The following PCNX3 variants were observed in gnomAD, a reference collection of about 807,000 sequenced individuals.
The protein encoded by PCNX3 is pecanex-like protein 3.
PCNX3 carries 58 observed loss-of-function variants against 207.2 expected under a neutral mutation model. That is an observed-to-expected ratio of 0.28 (90% CI 0.23 to 0.35). The LOEUF (loss-of-function observed/expected upper bound fraction) is 0.35, where lower values mean the gene tolerates loss of function less well. PCNX3 is among the 10% of genes least tolerant of loss of function. The pLI, the probability that PCNX3 is intolerant of heterozygous loss-of-function variation, is 1.00. For missense variants in PCNX3, 2,410 were observed against 2,774.4 expected (o/e 0.87, Z 2.95); for synonymous variants, 1,337 against 1,183.5 (o/e 1.13, Z -2.66).
At chr11:65,617,895 G>A in intron 5 of PCNX3, 45 bp from the exon 6 acceptor site, 1 of 1,520,694 alleles carries the variant, frequency 6.6e-7, no homozygotes, top group East Asian at 2.3e-5. Context: ...AGTTTGTTTT[G>A]CAGAAAACCC....
At chr11:65,621,836 G>A (rs765296146) in intron 10 of PCNX3, among the ~76,000 whole-genome samples, 9 of 152,252 alleles carry the variant, frequency 5.9e-5, no homozygotes, top group Non-Finnish European at 5.9e-5. Flanking sequence ...CTGCATGCAC[G>A]CTCGGATGGG....
At chr11:65,634,723 A>G in intron 29 of PCNX3, 82 bp downstream of exon 29, 1 of 1,358,206 alleles carries the variant, frequency 7.4e-7, no homozygotes, top group Non-Finnish European at 1.0e-6. Context: ...CTCTGGCCAC[A>G]GTGGCCACAG....
rs990520955 is a variant in PCNX3, at chr11:65,618,521, G to T, written c.1159G>T (p.Ala387Ser). 2 of 1,611,314 alleles carry T rather than the reference G, an allele frequency of 1.2e-6. No individual in the cohort carries two copies. The highest frequency in any genetic ancestry group is 3.3e-5 in the Admixed American group (2 of 59,918). Residue 387 changes from alanine (A) to serine (S), a missense_variant, in exon 6 of 35, where the codon GCC becomes TCC. Physicochemically the swap from Ala to Ser is moderately conservative, Grantham distance 99 (BLOSUM62 1). This residue lies in a region of PCNX3 where 1,104 missense variants were observed against 970.3 expected (regional missense o/e 1.14). Coordinates refer to ENST00000355703, the MANE Select transcript of PCNX3 (RefSeq NM_032223.4). The part of the protein sequence containing the change: ...PLLVVRPKDL[A>S]LLRPSKRQPP... The stretch of plus-strand genomic sequence containing the variant: ...CCTGGTCGTGCGGCCCAAGGACTTG[G>T]CCCTGCTACGGCCTAGCAAACGGCA...
In PCNX3 at chr11:65,620,336, C is replaced by T; in HGVS notation, c.2009-3C>T. The T allele has an allele frequency of 6.2e-7, 1 of 1,612,536 alleles. No individual in the cohort carries two copies. On this transcript the variant is annotated splice_region_variant and splice_polypyrimidine_tract_variant and intron_variant, in intron 8 of 34. Coordinates refer to ENST00000355703, the MANE Select transcript of PCNX3 (RefSeq NM_032223.4). ...CTGCCTCATCTCCCATACCCTGCCCCAGGTGTGCGGCGTTCCTACACCTTT... is the reference window on the plus strand; with the variant it reads ...CTGCCTCATCTCCCATACCCTGCCCTAGGTGTGCGGCGTTCCTACACCTTT...
Position 65,616,212 on chromosome 11 carries a change from G to A in PCNX3, c.-100G>A, listed in dbSNP as rs1404751154. 2 of 1,008,394 alleles carry A rather than the reference G, an allele frequency of 2.0e-6. No homozygotes were observed. The highest frequency in any genetic ancestry group is 3.9e-5 in the Admixed American group (1 of 25,328). The allele number at this position is 1,008,394 out of a possible 1,614,324, so 62.5% of individuals were successfully genotyped here. ...GGGGGAGGCCATGGCGTGAGCGTGA[G>A]GCCGGGCCCCGGGGCCCTCAGGCGC... On this transcript the variant is annotated 5_prime_UTR_variant, in exon 1 of 35. Coordinates refer to ENST00000355703, the MANE Select transcript of PCNX3 (RefSeq NM_032223.4).
chr11:65,627,145 G>A (rs1852833512), intron 21 of PCNX3, 97 bp downstream of exon 21: 4 of 1,423,814 alleles, frequency 2.8e-6, no homozygotes, highest in South Asian at 3.0e-5. Context: ...CATGTCTAAG[G>A]TTGTTTAGCA....
At position 65,636,652 on chromosome 11, in the gene PCNX3, C is replaced by A. The variant is rs769414477; in HGVS notation, c.5855C>A (p.Ala1952Asp). The change falls in exon 34 of 35, where the codon GCC becomes GAC. Residue 1952 changes from alanine to aspartate, a missense_variant. Transcript: ENST00000355703. ...CTGGGAGGATCTGACGGGGAGCCAG[C>A]CTCAGGGAGCCCCAAAGGAGGTACC... is the stretch of plus-strand genomic sequence containing the variant. Reference protein sequence around the residue: ...KGLGGSDGEPASGSPKGGTPK... With the variant: ...KGLGGSDGEPDSGSPKGGTPK... 1.3e-6 allele frequency: 2 copies of A among 1,583,954 alleles called. No homozygotes were observed. The highest frequency in any genetic ancestry group is 3.7e-5 in the Admixed American group (2 of 53,696).
rs1237956393 is a variant in PCNX3 at position 65,617,926 on chromosome 11, C to T, written c.578-14C>T. Reference sequence around the variant, plus strand: ...AACCCTTTTTTCATTTTCTGTTTCCCTTTATTTTGGCAGTTGGAGACCTTC... The same window carrying T: ...AACCCTTTTTTCATTTTCTGTTTCCTTTTATTTTGGCAGTTGGAGACCTTC... On this transcript the variant is annotated splice_polypyrimidine_tract_variant and intron_variant, in intron 5 of 34. Transcript: ENST00000355703. The T allele has an allele frequency of 3.2e-6, 5 of 1,566,812 alleles. No individual in the cohort carries two copies. Among genetic ancestry groups the T allele is most frequent in the Non-Finnish European group, 4.3e-6 (5 of 1,158,728 alleles).
In PCNX3 at chr11:65,625,086, G is replaced by A. The variant is rs570231984; in HGVS notation, c.2919+70G>A. 1.6e-5 allele frequency: 25 copies of A among 1,561,520 alleles called. No homozygotes were observed. The African/African-American group carries it at 3.1e-4, about 19-fold the overall frequency. On this transcript the variant is annotated intron_variant, in intron 16 of 34. Coordinates refer to ENST00000355703, the MANE Select transcript of PCNX3 (RefSeq NM_032223.4). This position sits in a 1 kb window ranked among gnomAD's most constrained non-coding sequence, Gnocchi z 5.6. The stretch of plus-strand genomic sequence containing the variant: ...GTGGTTGGGGCGGGGCTGTGAACTG[G>A]GCTCAGCAGTGGCTTCTCACACGGG...
At chr11:65,628,756 CAG>C in intron 23 of PCNX3, 53 bp downstream of exon 23, 1 of 953,414 alleles carries the variant, frequency 1.0e-6, no homozygotes. Context: ...TGGCCTGGGG[CAG>C]TGGGGGGTGG....
In PCNX3 at chr11:65,625,800, A is replaced by G. The variant is rs1440025244; in HGVS notation, c.3228+56A>G. ...CGCTGTCTTGGCGGGAGCCTGCTCA[A>G]TCTGAGTGCCGTGGGCAGCCCCTCC... On this transcript the variant is annotated intron_variant, in intron 19 of 34. Coordinates refer to ENST00000355703, the MANE Select transcript of PCNX3 (RefSeq NM_032223.4). This position sits in a 1 kb window ranked among gnomAD's most constrained non-coding sequence, Gnocchi z 5.6. 3.8e-6 allele frequency: 6 copies of G among 1,597,256 alleles called. No homozygotes were observed. The highest frequency in any genetic ancestry group is 1.7e-5 in the Admixed American group (1 of 58,794).
In PCNX3 at chr11:65,634,612, G is replaced by A. The variant is rs1424102147; in HGVS notation, c.4776G>A (p.Leu1592=). The change falls in exon 29 of 35, where the codon CTG becomes CTA. Residue 1592 remains leucine (L), a synonymous_variant. Coordinates refer to ENST00000355703, the MANE Select transcript of PCNX3 (RefSeq NM_032223.4). ...TGTGTGTGCTGGGCCGCCGGGCCCT[G>A]GGGACAGCCTCTCACAGCATGTCTG... The part of the protein sequence containing the change: ...FGLCVLGRRA[L]GTASHSMSAS... The A allele has an allele frequency of 6.2e-7, 1 of 1,601,950 alleles. No homozygotes were observed. The highest frequency in any genetic ancestry group is 8.5e-7 in the Non-Finnish European group (1 of 1,178,536).
rs1434106117 is a variant in PCNX3, at chr11:65,619,879, G to A, written c.1955G>A (p.Cys652Tyr). 1 of 1,611,642 alleles carries A rather than the reference G, an allele frequency of 6.2e-7. No individual in the cohort carries two copies. Among genetic ancestry groups the A allele is most frequent in the Non-Finnish European group, 8.5e-7 (1 of 1,179,626 alleles). Residue 652 changes from cysteine to tyrosine, a missense_variant, in exon 8 of 35, where the codon TGC becomes TAC. Physicochemically the swap from Cys to Tyr is radical, Grantham distance 194. This residue lies in a region of PCNX3 where 1,104 missense variants were observed against 970.3 expected (regional missense o/e 1.14). Transcript: ENST00000355703. ...TRAGANVHEA[C>Y]TFDDTSEGAV... ...GCCGGTGCCAATGTGCATGAGGCCT[G>A]CACCTTTGATGACACTTCTGAGGGT...
intron 15 of PCNX3, 69 bp downstream of exon 15, chr11:65,624,650 C>T (rs1855285657): frequency 7.2e-7 from 1 of 1,393,834 alleles, no homozygotes; most frequent in East Asian, 2.5e-5. Context: ...CGGATTGGGT[C>T]CTTGGCTCCA....
In PCNX3 at chr11:65,618,723, C is replaced by T. The variant is rs774402786; in HGVS notation, c.1361C>T (p.Ser454Phe). 2 of 1,612,664 alleles carry T rather than the reference C, an allele frequency of 1.2e-6. 1 individual carries two copies. The highest frequency in any genetic ancestry group is 2.2e-5 in the South Asian group (2 of 91,064). ...AGCTCCTCTTCTACTTCCTGCTACT[C>T]CCCTGAGAGCTCCCGGGGTGCAGCA... Reference protein sequence around the residue: ...TDSSSSTSCYSPESSRGAAGG... With the variant: ...TDSSSSTSCYFPESSRGAAGG... Residue 454 changes from serine to phenylalanine, a missense_variant, in exon 6 of 35, where the codon TCC (serine) becomes TTC (phenylalanine). By Grantham distance (155) the Ser-to-Phe change is radical (BLOSUM62 -2). Around this residue, in one of 8 missense-constraint regions of PCNX3, gnomAD observed 1,104 missense variants for 970.3 expected, o/e 1.14. Coordinates refer to ENST00000355703, the MANE Select transcript of PCNX3 (RefSeq NM_032223.4).
At chr11:65,634,749 T>A in intron 29 of PCNX3, 108 bp downstream of exon 29, 1 of 1,227,902 alleles carries the variant, frequency 8.1e-7, no homozygotes. Flanking sequence ...GCAGTGGCCC[T>A]TCCTGTTGGG....
chr11:65,617,981 C>G lies in PCNX3; in HGVS notation c.619C>G (p.Pro207Ala), dbSNP rs746441563. ...GACGCCTCCAGGGGCTGTCCCAGAC[C>G]CCTCTCTTGCCAGTACAGACTCTTC... The part of the protein sequence containing the change: ...PQTPPGAVPD[P>A]SLASTDSSEP... The change falls in exon 6 of 35, where the codon CCC (proline) becomes GCC (alanine). Residue 207 changes from proline to alanine, a missense_variant. Physicochemically the swap from Pro to Ala is conservative, Grantham distance 27. Coordinates refer to ENST00000355703, the MANE Select transcript of PCNX3 (RefSeq NM_032223.4). 2 of 1,608,276 alleles carry G rather than the reference C, an allele frequency of 1.2e-6. No individual in the cohort carries two copies. Among genetic ancestry groups the G allele is most frequent in the South Asian group, 2.2e-5 (2 of 90,780 alleles).
rs748167851 is a variant in PCNX3, at chr11:65,617,976, C to G, written c.614C>G (p.Pro205Arg). Residue 205 changes from proline to arginine, a missense_variant, in exon 6 of 35, where the codon CCA becomes CGA. Pro to Arg is a moderately radical substitution (Grantham distance 103). Around this residue, in one of 8 missense-constraint regions of PCNX3, gnomAD observed 1,104 missense variants for 970.3 expected, o/e 1.14. Coordinates refer to ENST00000355703, the MANE Select transcript of PCNX3 (RefSeq NM_032223.4). ...CCCCAGACGCCTCCAGGGGCTGTCC[C>G]AGACCCCTCTCTTGCCAGTACAGAC... ...DLPQTPPGAV[P>R]DPSLASTDSS... 3 of 1,607,800 alleles carry G rather than the reference C, an allele frequency of 1.9e-6. No homozygotes were observed. Among genetic ancestry groups the G allele is most frequent in the Non-Finnish European group, 2.5e-6 (3 of 1,176,924 alleles).
chr11:65,623,992 A>C (rs558614545), intron 13 of PCNX3, 31 bp downstream of exon 13: 1 of 1,609,228 alleles, frequency 6.2e-7, no homozygotes, highest in South Asian at 1.1e-5. Flanking sequence ...GCCTCTGGCC[A>C]GGAGGCCCCG....
Sources: gnomAD v4.1 joint callset for allele counts (sites outside exome capture counted in the v4.1 genomes callset) on GRCh38, gnomAD v4.1.1 for gene constraint, gnomAD v4.1.1 regional missense constraint, Gnocchi (gnomAD v3.1) non-coding constraint, MANE v1.5 for transcripts, NCBI Gene and HGNC (gene_info 2026-07-23, HGNC 2026-07-21) for gene names.